AFF2: variants seen among roughly 807,000 people sequenced by gnomAD.
AFF2 encodes ALF transcription elongation factor 2.
A neutral mutation model predicts 76.9 loss-of-function variants in AFF2; 14 were observed. The ratio of observed to expected loss-of-function variants is 0.18; its 90% CI spans 0.12 to 0.28. The LOEUF (loss-of-function observed/expected upper bound fraction) is 0.28, where lower values mean the gene tolerates loss of function less well. Ranked by LOEUF, AFF2 falls within the 10% of genes least tolerant of loss-of-function variation. The pLI is 1.00. For synonymous variants in AFF2, 398 were observed against 366.7 expected (o/e 1.09, Z -0.98); for missense variants, 868 against 1,001.1 (o/e 0.87, Z 1.79).
intron 2 of AFF2, among the ~76,000 whole-genome samples, chrX:148,660,426 G>A (rs961188910): frequency 4.5e-5 from 5 of 111,411 alleles, no homozygotes; most frequent in African/African-American, 1.3e-4. Flanking sequence ...CTAGCACTTC[G>A]CCCTCTAGCC....
intron 3 of AFF2, among the ~76,000 whole-genome samples, chrX:148,723,055 A>G (rs2055112904): frequency 9.0e-6 from 1 of 111,448 alleles, no homozygotes; most frequent in South Asian, 3.8e-4. Flanking sequence ...AGTGTACCAC[A>G]GTCCCTAATT....
At chrX:148,856,102 C>T (rs1261244796) in intron 7 of AFF2, among the ~76,000 whole-genome samples, 2 of 111,173 alleles carry the variant, frequency 1.8e-5, no homozygotes, top group Non-Finnish European at 3.8e-5. Flanking sequence ...ATTTCCTTGG[C>T]TCACCTGCCT....
chrX:148,927,428 C>T (rs1442208810), intron 9 of AFF2, among the ~76,000 whole-genome samples: 1 of 111,145 alleles, frequency 9.0e-6, no homozygotes, highest in Non-Finnish European at 1.9e-5. Context: ...TGCTGCATGT[C>T]TGCCTCGCCT....
intron 3 of AFF2, among the ~76,000 whole-genome samples, chrX:148,739,503 A>G (rs1451798620): frequency 9.1e-6 from 1 of 110,108 alleles, no homozygotes; most frequent in East Asian, 2.9e-4. Flanking sequence ...TCACCCCTTT[A>G]CTTGAAGTTT....
intron 4 of AFF2, among the ~76,000 whole-genome samples, chrX:148,825,096 G>T (rs1256213650): frequency 2.7e-5 from 3 of 110,983 alleles, no homozygotes; most frequent in Non-Finnish European, 5.7e-5. Context: ...TGATGATAAT[G>T]TACTTCTTAT....
chrX:148,601,869 A>C (rs1371513497), intron 1 of AFF2, among the ~76,000 whole-genome samples: 1 of 112,221 alleles, frequency 8.9e-6, no homozygotes, highest in Non-Finnish European at 1.9e-5. Flanking sequence ...TGTGCTCATC[A>C]GGAAACATGG....
intron 9 of AFF2, among the ~76,000 whole-genome samples, chrX:148,950,101 G>A (rs1389172378): frequency 8.9e-6 from 1 of 112,804 alleles, no homozygotes; most frequent in Non-Finnish European, 1.9e-5. Context: ...CAACTTGAAA[G>A]TTCCATGGTA....
intron 1 of AFF2, among the ~76,000 whole-genome samples, chrX:148,590,890 G>T (rs1257049086): frequency 1.2e-4 from 13 of 112,014 alleles, no homozygotes; most frequent in Non-Finnish European, 1.9e-4. Context: ...TACTCTTGTG[G>T]TTTTTCCATT....
chrX:148,574,943 GGTGTGT>G (rs781819721), intron 1 of AFF2, among the ~76,000 whole-genome samples: 7,068 of 95,562 alleles, frequency 0.074, 395 homozygotes, highest in African/African-American at 0.18. Flanking sequence ...ATAGTGCTGG[GGTGTGT>G]GTGTGTGTGT....
chrX:148,668,615 G>T (rs1329432448), intron 3 of AFF2, among the ~76,000 whole-genome samples: 4 of 112,419 alleles, frequency 3.6e-5, no homozygotes, highest in African/African-American at 1.3e-4. Context: ...CAAGATGTTG[G>T]GTTCCATTCT....
At chrX:148,868,758 G>C (rs1025871231) in intron 7 of AFF2, among the ~76,000 whole-genome samples, 1 of 112,499 alleles carries the variant, frequency 8.9e-6, no homozygotes, top group African/African-American at 3.2e-5. Flanking sequence ...TGGTGAGCAC[G>C]TGTTATCTGC....
chrX:148,614,717 C>CTTTCTTTCTTTCTTTCTT (rs1557249979), intron 1 of AFF2, among the ~76,000 whole-genome samples: 3 of 47,692 alleles, frequency 6.3e-5, no homozygotes, highest in African/African-American at 2.5e-4. Flanking sequence ...TTCTTTCTTT[C>CTTTCTTTCTTTCTTTCTT]TTTCTTTCTT....
At chrX:148,694,338 A>G (rs1486571508) in intron 3 of AFF2, among the ~76,000 whole-genome samples, 2 of 111,533 alleles carry the variant, frequency 1.8e-5, no homozygotes, top group Non-Finnish European at 3.8e-5. Context: ...AGAATGAAAC[A>G]CCAGCAGACA....
chrX:148,748,633 G>C (rs1464161228), intron 3 of AFF2, among the ~76,000 whole-genome samples: 1 of 111,899 alleles, frequency 8.9e-6, no homozygotes, highest in Non-Finnish European at 1.9e-5. Flanking sequence ...ATCCTTTGCA[G>C]AGGATGGGTA....
At chrX:148,650,749 A>G (rs1244027758) in intron 1 of AFF2, among the ~76,000 whole-genome samples, 1 of 111,912 alleles carries the variant, frequency 8.9e-6, no homozygotes, top group Admixed American at 9.5e-5. Context: ...CTGCACAGAT[A>G]GTTTATGTTC....
chrX:148,902,257 G>A (rs1211946679), intron 8 of AFF2, among the ~76,000 whole-genome samples: 1 of 111,563 alleles, frequency 9.0e-6, no homozygotes, highest in African/African-American at 3.3e-5. Context: ...TCTCCTGCCA[G>A]TGGCAAGCTC....
chrX:148,909,479 T>C (rs2071446242), intron 9 of AFF2, among the ~76,000 whole-genome samples: 1 of 112,114 alleles, frequency 8.9e-6, no homozygotes, highest in Admixed American at 9.4e-5. Context: ...AACCACTCTT[T>C]CAATTTATTT....
At chrX:148,506,452 T>G (rs1217238091) in intron 1 of AFF2, among the ~76,000 whole-genome samples, 1 of 111,720 alleles carries the variant, frequency 9.0e-6, no homozygotes, top group Non-Finnish European at 1.9e-5. Context: ...GGAATTACCA[T>G]GTAATTTGAC....
At chrX:148,893,817 A>C (rs1199644707) in intron 8 of AFF2, among the ~76,000 whole-genome samples, 5 of 111,993 alleles carry the variant, frequency 4.5e-5, no homozygotes, top group Admixed American at 1.9e-4. Context: ...CCACCTCTGG[A>C]AAGCTGGGGA....
Sources: allele counts gnomAD v4.1 joint callset (sites outside exome capture counted in the v4.1 genomes callset), GRCh38; gene constraint gnomAD v4.1.1; transcripts MANE v1.5; gene names NCBI Gene and HGNC (gene_info 2026-07-23, HGNC 2026-07-21).